Variants in RYR1 observed in about 807,000 individuals in gnomAD.
RYR1 encodes central core disease of muscle.
RYR1 carries 342 observed loss-of-function variants against 583.5 expected under a neutral mutation model. The observed-to-expected ratio is 0.59, with a 90% CI of 0.54 to 0.64. RYR1 has a LOEUF of 0.64. Ranked by LOEUF, RYR1 falls within the 30% of genes least tolerant of loss-of-function variation. The pLI is 0.00. For missense variants in RYR1, 6,032 were observed against 6,917.2 expected (o/e 0.87, Z 4.54); for synonymous variants, 2,791 against 2,822.5 (o/e 0.99, Z 0.35).
At chr19:38,449,033 A>G (rs1450686466) in intron 11 of RYR1, among the ~76,000 whole-genome samples, 1 of 152,120 alleles carries the variant, frequency 6.6e-6, no homozygotes, top group Non-Finnish European at 1.5e-5. Context: ...ACTGAGACTG[A>G]GAGAAACAGC....
intron 101 of RYR1, among the ~76,000 whole-genome samples, chr19:38,581,003 A>T (rs1974178786): frequency 6.7e-6 from 1 of 150,118 alleles, no homozygotes; most frequent in Non-Finnish European, 1.5e-5. Context: ...GGTTCAAGTG[A>T]TTCTCCTGCC....
chr19:38,509,285 G>A (rs1970616140), intron 58 of RYR1, among the ~76,000 whole-genome samples: 1 of 152,030 alleles, frequency 6.6e-6, no homozygotes, highest in South Asian at 2.1e-4. Context: ...GGTGACCTGG[G>A]GTTAGTTACT....
At chr19:38,455,855 A>G (rs187091786) in intron 16 of RYR1, 104 bp downstream of exon 16, 1 of 760,458 alleles carries the variant, frequency 1.3e-6, no homozygotes, top group Admixed American at 1.8e-5. Context: ...CCTCCATCTC[A>G]TCTCTCACCT....
At chr19:38,506,569 C>A (rs1168255849) in intron 56 of RYR1, 23 bp downstream of exon 56, 4 of 1,612,920 alleles carry the variant, frequency 2.5e-6, no homozygotes, top group African/African-American at 1.3e-5. Flanking sequence ...ATGCCGCCCC[C>A]ACGCTACCCC....
At chr19:38,544,363 T>C (rs1412689079) in intron 87 of RYR1, among the ~76,000 whole-genome samples, 1 of 152,206 alleles carries the variant, frequency 6.6e-6, no homozygotes, top group Non-Finnish European at 1.5e-5. Flanking sequence ...CTTGTTCCTC[T>C]TTCCCTCACC....
rs1032361699 is a variant in RYR1, at chr19:38,445,853, G to A, written c.632-619G>A. On this transcript the variant is annotated intron_variant, in intron 7 of 105. Coordinates refer to ENST00000359596, the MANE Select transcript of RYR1 (RefSeq NM_000540.3). ...AAAAATACAAAAATTGGCTGGGCAT[G>A]ATGGCGGGCGGCTGTAGCCCCAGCT... is the stretch of plus-strand genomic sequence containing the variant. Among the ~76,000 whole-genome samples the A allele has an allele frequency of 2.0e-5, 3 of 149,770 alleles. No individual in the cohort carries two copies. The Admixed American group carries it at 2.0e-4, about 10-fold the overall frequency.
intron 88 of RYR1, among the ~76,000 whole-genome samples, chr19:38,547,241 C>T (rs575591506): frequency 1.0e-4 from 15 of 144,902 alleles, no homozygotes; most frequent in African/African-American, 1.5e-4. Context: ...TTAGTAGAGA[C>T]GGGGTTTCAC....
At chr19:38,482,624 A>G (rs1329693386) in intron 31 of RYR1, among the ~76,000 whole-genome samples, 4 of 151,870 alleles carry the variant, frequency 2.6e-5, no homozygotes, top group Admixed American at 2.0e-4. Context: ...CTAATTTTTT[A>G]TGTTTTGTAG....
intron 31 of RYR1, among the ~76,000 whole-genome samples, chr19:38,479,547 A>G (rs1349277612): frequency 1.3e-5 from 2 of 151,458 alleles, no homozygotes; most frequent in African/African-American, 4.9e-5. Context: ...AGCTGGGACT[A>G]TAGGCATGCA....
intron 63 of RYR1, among the ~76,000 whole-genome samples, chr19:38,514,397 C>T (rs1055050493): frequency 7.9e-5 from 12 of 151,402 alleles, no homozygotes; most frequent in Non-Finnish European, 1.8e-4. Context: ...TCTCCTGCCT[C>T]AGCCCCCCGA....
intron 13 of RYR1, among the ~76,000 whole-genome samples, chr19:38,453,692 G>A (rs1967214009): frequency 6.6e-6 from 1 of 151,788 alleles, no homozygotes; most frequent in Admixed American, 6.6e-5. Flanking sequence ...TGCAGTTTAA[G>A]ACAGAGCTGT....
At chr19:38,585,143 C>T (rs1373059008) in intron 102 of RYR1, 44 bp downstream of exon 102, 1 of 1,603,010 alleles carries the variant, frequency 6.2e-7, no homozygotes, top group South Asian at 1.1e-5. Flanking sequence ...GGCAGGCTAG[C>T]TCCATGGCTA....
intron 25 of RYR1, among the ~76,000 whole-genome samples, chr19:38,468,109 TAACCAACCATCCATTCATCCAGCC>T (rs1363915310): frequency 7.8e-6 from 1 of 128,966 alleles, no homozygotes; most frequent in Non-Finnish European, 1.6e-5. Flanking sequence ...TCCATCCAGC[TAACCAACCATCCATTCATCCAGCC>T]AACATAGGGA....
intron 18 of RYR1, 148 bp downstream of exon 18, chr19:38,458,440 A>G: frequency 1.3e-6 from 1 of 782,208 alleles, no homozygotes; most frequent in Admixed American, 2.2e-5. Flanking sequence ...CCAAGACCCT[A>G]ACCCCAGAGC....
Position 38,543,491 on chromosome 19 carries a change from T to A in RYR1, c.11779-41T>A. The A allele has an allele frequency of 6.2e-7, 1 of 1,614,128 alleles. No homozygotes were observed. The highest frequency in any genetic ancestry group is 1.1e-5 in the South Asian group (1 of 91,084). ...TGGGTCGGGGGCTGCAGGGCCATGGTCGGCCCCAGCACCCCCTCACACCCT... is the reference window on the plus strand; with the variant it reads ...TGGGTCGGGGGCTGCAGGGCCATGGACGGCCCCAGCACCCCCTCACACCCT... On this transcript the variant is annotated intron_variant, in intron 85 of 105. Coordinates refer to ENST00000359596, the MANE Select transcript of RYR1 (RefSeq NM_000540.3). This position sits in a 1 kb window ranked among gnomAD's most constrained non-coding sequence, Gnocchi z 4.4.
chr19:38,443,909 G>T, intron 5 of RYR1, 113 bp downstream of exon 5: 2 of 1,012,156 alleles, frequency 2.0e-6, no homozygotes, highest in Non-Finnish European at 3.1e-6. Flanking sequence ...GGACATGAAT[G>T]GGGGCTTCGT....
intron 47 of RYR1, among the ~76,000 whole-genome samples, chr19:38,501,799 C>T (rs1300474008): frequency 1.3e-5 from 2 of 152,060 alleles, no homozygotes; most frequent in Non-Finnish European, 2.9e-5. Context: ...GCCTGGGCAA[C>T]ATGGAGAGAT....
chr19:38,455,429 C>CG (rs1568447870), intron 14 of RYR1, 22 bp from the exon 15 acceptor site: 14 of 1,614,148 alleles, frequency 8.7e-6, no homozygotes, highest in Non-Finnish European at 1.2e-5. Context: ...CCTATTGGAT[C>CG]TGACACCTCT....
chr19:38,476,162 A>G (rs1222758682), intron 29 of RYR1, among the ~76,000 whole-genome samples: 1 of 152,066 alleles, frequency 6.6e-6, no homozygotes, highest in Non-Finnish European at 1.5e-5. Context: ...AGCTGGGATA[A>G]CAGGCTCCTG....
Sources: gnomAD v4.1 joint callset for allele counts (sites outside exome capture counted in the v4.1 genomes callset) on GRCh38, gnomAD v4.1.1 for gene constraint, Gnocchi (gnomAD v3.1) non-coding constraint, MANE v1.5 for transcripts, NCBI Gene and HGNC (gene_info 2026-07-23, HGNC 2026-07-21) for gene names.